Variants in C15orf39 observed in about 807,000 individuals in gnomAD.
C15orf39 encodes the protein PRMT2 interacting protein, also known as uncharacterized protein C15orf39.
Under a neutral mutation model 53.9 loss-of-function variants are expected in C15orf39, and 24 were observed. That is an observed-to-expected ratio of 0.45 (90% confidence interval 0.32 to 0.63). C15orf39 has a LOEUF of 0.63. Among genes scored for constraint, C15orf39 ranks in the 20% least tolerant of loss-of-function variants. C15orf39 has a pLI of 0.04. For missense variants in C15orf39, 1,271 were observed against 1,347.9 expected (o/e 0.94, Z 0.89); for synonymous variants, 569 against 576.5 (o/e 0.99, Z 0.19).
At chr15:75,205,346 G>T (rs1043443779) in intron 1 of C15orf39, among the ~76,000 whole-genome samples, 2 of 152,126 alleles carry the variant, frequency 1.3e-5, no homozygotes, top group Non-Finnish European at 2.9e-5. Flanking sequence ...AGGGGGTGGC[G>T]GCAGGGTATG....
At chr15:75,208,984 C>A in intron 2 of C15orf39, 160 bp downstream of exon 2, 1 of 1,258,146 alleles carries the variant, frequency 7.9e-7, no homozygotes, top group Non-Finnish European at 1.1e-6. Flanking sequence ...CCCCTTGACC[C>A]TCCAGACAAT....
At chr15:75,201,706 G>C (rs1221794381), upstream of C15orf39, among the ~76,000 whole-genome samples, 1 of 152,152 alleles carries the variant, frequency 6.6e-6, no homozygotes, top group African/African-American at 2.4e-5. The surrounding 1 kb of genome is among the most constrained non-coding windows in gnomAD (Gnocchi z 4.7). Flanking sequence ...GGAGCGTGGC[G>C]GTTACGGGCG....
intron 2 of C15orf39, 160 bp downstream of exon 2, chr15:75,208,984 C>T: frequency 7.9e-7 from 1 of 1,258,146 alleles, no homozygotes; most frequent in Non-Finnish European, 1.1e-6. Flanking sequence ...CCCCTTGACC[C>T]TCCAGACAAT....
Position 75,206,630 on chromosome 15 carries a change from G to A in C15orf39, c.582G>A (p.Val194=). ...TGGATGGCACCTTCTTGCGGGGGGT[G>A]CCAGCTGAGGGGTCCAGTAAAGACT... ...QTLDGTFLRG[V]PAEGSSKDSS... is the part of the protein sequence containing the mutation. Residue 194 remains valine, a synonymous_variant, in exon 2 of 3, where the codon GTG becomes GTA. Transcript: ENST00000394987. 1.9e-6 allele frequency: 3 copies of A among 1,613,684 alleles called. No homozygotes were observed. The highest frequency in any genetic ancestry group is 2.2e-5 in the East Asian group (1 of 44,882).
Position 75,206,037 on chromosome 15 carries a change from G to A in C15orf39, c.-12G>A. Reference sequence around the variant, plus strand: ...TAGCAGGGGCCTAGGAGGGCTCGAAGCCTTCACAGCGATGGCAGAGAAGCG... The same window carrying A: ...TAGCAGGGGCCTAGGAGGGCTCGAAACCTTCACAGCGATGGCAGAGAAGCG... On this transcript the variant is annotated 5_prime_UTR_variant, in exon 2 of 3. Coordinates refer to ENST00000394987, the MANE Select transcript of C15orf39 (RefSeq NM_015492.5). 6.3e-7 allele frequency: 1 copy of A among 1,580,914 alleles called. No homozygotes were observed.
chr15:75,206,073 A>G lies in C15orf39; in HGVS notation c.25A>G (p.Thr9Ala). The G allele has an allele frequency of 1.2e-6, 2 of 1,609,960 alleles. No individual in the cohort carries two copies. Among genetic ancestry groups the G allele is most frequent in the Non-Finnish European group, 8.5e-7 (1 of 1,178,196 alleles). Residue 9 changes from threonine (T) to alanine (A), a missense_variant, in exon 2 of 3, where the codon ACC becomes GCC. By Grantham distance (58) the Thr-to-Ala change is moderately conservative. This residue lies in a region of C15orf39 where 994 missense variants were observed against 993.7 expected (regional missense o/e 1.00). Coordinates refer to ENST00000394987, the MANE Select transcript of C15orf39 (RefSeq NM_015492.5). ...GATGGCAGAGAAGCGACCCCTGAGAACCCTGGGGCCTGTGATGTATGGCAA... is the reference window on the plus strand; with the variant it reads ...GATGGCAGAGAAGCGACCCCTGAGAGCCCTGGGGCCTGTGATGTATGGCAA... MAEKRPLRTLGPVMYGKLP... is the reference protein window; with the variant it reads MAEKRPLRALGPVMYGKLP...
In C15orf39 at chr15:75,211,432, A is replaced by T; in HGVS notation, c.*316A>T. The T allele has an allele frequency of 3.1e-6, 1 of 319,964 alleles. No individual in the cohort carries two copies. Among genetic ancestry groups the T allele is most frequent in the East Asian group, 5.3e-5 (1 of 18,962 alleles). 19.8% of individuals were successfully genotyped at this position (319,964 alleles called of 1,614,324 possible). ...TGGGCAAGAAACTTCACCTCTGCTG[A>T]GCCCTCATTCCCCATGTGTAAAATG... On this transcript the variant is annotated 3_prime_UTR_variant, in exon 3 of 3. Transcript: ENST00000394987.
In C15orf39 at chr15:75,207,072, G is replaced by T; in HGVS notation, c.1024G>T (p.Ala342Ser). The T allele has an allele frequency of 4.3e-6, 7 of 1,611,236 alleles. No homozygotes were observed. The highest frequency in any genetic ancestry group is 5.9e-6 in the Non-Finnish European group (7 of 1,178,962). ...APYIPPLGLD[A>S]YPYPSAPLPA... is the part of the protein sequence containing the mutation. ...TTACATTCCCCCACTGGGGCTGGACGCTTACCCCTACCCCTCTGCCCCTCT... is the reference window on the plus strand; with the variant it reads ...TTACATTCCCCCACTGGGGCTGGACTCTTACCCCTACCCCTCTGCCCCTCT... Residue 342 changes from alanine (A) to serine (S), a missense_variant, in exon 2 of 3, where the codon GCT becomes TCT. Physicochemically the swap from Ala to Ser is moderately conservative, Grantham distance 99 (BLOSUM62 1). Coordinates refer to ENST00000394987, the MANE Select transcript of C15orf39 (RefSeq NM_015492.5).
chr15:75,211,184 C>G lies in C15orf39; in HGVS notation c.*68C>G, dbSNP rs1027098194. On this transcript the variant is annotated 3_prime_UTR_variant, in exon 3 of 3. Transcript: ENST00000394987. Reference sequence around the variant, plus strand: ...CTTCCCTTCTGCCTGCCCAGCTGCCCCGGGGCCACGAGTGGATGCTGGGGC... The same window carrying G: ...CTTCCCTTCTGCCTGCCCAGCTGCCGCGGGGCCACGAGTGGATGCTGGGGC... 38 of 1,517,664 alleles carry G rather than the reference C, an allele frequency of 2.5e-5. No individual in the cohort carries two copies. The highest frequency in any genetic ancestry group is 3.2e-5 in the Non-Finnish European group (36 of 1,136,614). 94.0% of individuals were successfully genotyped at this position (1,517,664 alleles called of 1,614,324 possible).
intron 1 of C15orf39, among the ~76,000 whole-genome samples, chr15:75,204,035 C>A (rs759006499): frequency 6.6e-6 from 1 of 152,154 alleles, no homozygotes. Flanking sequence ...TGGGCATTGG[C>A]CCCCACACTA....
Position 75,207,542 on chromosome 15 carries a change from A to G in C15orf39, c.1494A>G (p.Pro498=). The change falls in exon 2 of 3, where the codon CCA becomes CCG. Residue 498 remains proline (P), a synonymous_variant. Coordinates refer to ENST00000394987, the MANE Select transcript of C15orf39 (RefSeq NM_015492.5). ...QKEGARPPSS[P]PMPVIDNVFS... is the part of the protein sequence containing the mutation. ...AGGGCGCAAGGCCACCCAGCTCTCC[A>G]CCAATGCCTGTCATTGACAATGTCT... is the stretch of plus-strand genomic sequence containing the variant. 2.5e-6 allele frequency: 4 copies of G among 1,613,306 alleles called. No individual in the cohort carries two copies. In the East Asian group the frequency reaches 8.9e-5, roughly 36 times the overall value.
chr15:75,211,248 G>C lies in C15orf39; in HGVS notation c.*132G>C. 1 of 1,299,844 alleles carries C rather than the reference G, an allele frequency of 7.7e-7. No homozygotes were observed. Among genetic ancestry groups the C allele is most frequent in the Non-Finnish European group, 1.0e-6 (1 of 967,750 alleles). 80.5% of individuals were successfully genotyped at this position (1,299,844 alleles called of 1,614,324 possible). On this transcript the variant is annotated 3_prime_UTR_variant, in exon 3 of 3. Transcript: ENST00000394987. ...CTGGAGGGGTTCCATCTCTGACCCT[G>C]TGGCCCATTCAGGGTGGGCTGAAGA...
chr15:75,202,842 C>T (rs981400278), intron 1 of C15orf39, among the ~76,000 whole-genome samples: 4 of 152,192 alleles, frequency 2.6e-5, no homozygotes, highest in African/African-American at 4.8e-5. Context: ...ACGTGCGTCT[C>T]GGCGCCGCCG....
At position 75,207,394 on chromosome 15, in the gene C15orf39, A is replaced by G. The variant is rs2070448361; in HGVS notation, c.1346A>G (p.Lys449Arg). 1 of 1,613,324 alleles carries G rather than the reference A, an allele frequency of 6.2e-7. No individual in the cohort carries two copies. Among genetic ancestry groups the G allele is most frequent in the Non-Finnish European group, 8.5e-7 (1 of 1,179,990 alleles). The change falls in exon 2 of 3, where the codon AAG becomes AGG. Residue 449 changes from lysine to arginine, a missense_variant. Coordinates refer to ENST00000394987, the MANE Select transcript of C15orf39 (RefSeq NM_015492.5). The part of the protein sequence containing the change: ...KTWLPSCRKE[K>R]LQPRLSEHSG... Reference sequence around the variant, plus strand: ...TGGCTGCCCAGCTGCAGGAAAGAGAAGCTCCAGCCCCGGCTCAGTGAGCAC... The same window carrying G: ...TGGCTGCCCAGCTGCAGGAAAGAGAGGCTCCAGCCCCGGCTCAGTGAGCAC...
intron 1 of C15orf39, 139 bp from the exon 2 acceptor site, chr15:75,205,860 G>A: frequency 1.7e-6 from 1 of 604,270 alleles, no homozygotes; most frequent in Admixed American, 3.1e-5. Context: ...CGTGGCTCAT[G>A]CACTCACAGT....
chr15:75,203,005 G>A (rs2070415264), intron 1 of C15orf39, among the ~76,000 whole-genome samples: 1 of 152,258 alleles, frequency 6.6e-6, no homozygotes, highest in Non-Finnish European at 1.5e-5. Flanking sequence ...CCCCTCCACT[G>A]GAGACTTTGG....
At chr15:75,199,542 A>G (rs994726581), upstream of C15orf39, among the ~76,000 whole-genome samples, 1 of 152,210 alleles carries the variant, frequency 6.6e-6, no homozygotes, top group African/African-American at 2.4e-5. Context: ...AGATTTGTAA[A>G]TAGCAGGTGT....
chr15:75,206,856 C>G lies in C15orf39; in HGVS notation c.808C>G (p.Pro270Ala). 1 of 1,470,490 alleles carries G rather than the reference C, an allele frequency of 6.8e-7. No individual in the cohort carries two copies. Among genetic ancestry groups the G allele is most frequent in the Non-Finnish European group, 9.0e-7 (1 of 1,105,890 alleles). The allele number at this position is 1,470,490 out of a possible 1,614,324, so 91.1% of individuals were successfully genotyped here. The stretch of plus-strand genomic sequence containing the variant: ...TCAGGACACCGGGCCCACCCACTAC[C>G]CACCACCCCACCACCCACCACCCCA... ...PCQDTGPTHY[P>A]PPHHPPPHPP... The change falls in exon 2 of 3, where the codon CCA becomes GCA. Residue 270 changes from proline to alanine, a missense_variant. Pro to Ala is a conservative substitution (Grantham distance 27). Coordinates refer to ENST00000394987, the MANE Select transcript of C15orf39 (RefSeq NM_015492.5).
At chr15:75,210,610 AG>A in intron 2 of C15orf39, 138 bp from the exon 3 acceptor site, 1 of 1,260,620 alleles carries the variant, frequency 7.9e-7, no homozygotes, top group South Asian at 1.5e-5. Context: ...TGGTCTGGCC[AG>A]TGGGCATGTG....
Sources: allele counts gnomAD v4.1 joint callset (sites outside exome capture counted in the v4.1 genomes callset), GRCh38; gene constraint gnomAD v4.1.1; regional missense constraint gnomAD v4.1.1; non-coding constraint Gnocchi (gnomAD v3.1); transcripts MANE v1.5; gene names NCBI Gene and HGNC (gene_info 2026-07-23, HGNC 2026-07-21).